Variants in CATSPERE observed in about 807,000 individuals in gnomAD.
CATSPERE encodes the protein catsper channel auxiliary subunit epsilon.
CATSPERE carries 93 observed loss-of-function variants against 114.1 expected under a neutral mutation model. The ratio of observed to expected loss-of-function variants is 0.81; its 90% CI spans 0.69 to 0.97. The LOEUF (loss-of-function observed/expected upper bound fraction) is 0.97, where lower values mean the gene tolerates loss of function less well. Ranked by LOEUF, CATSPERE falls within the 50% of genes least tolerant of loss-of-function variation. CATSPERE has a pLI of 0.00. For synonymous variants in CATSPERE, 341 were observed against 384.1 expected (o/e 0.89, Z 1.31); for missense variants, 1,058 against 1,131.6 (o/e 0.93, Z 0.93).
In CATSPERE at chr1:244,633,325, T is replaced by G. The variant is rs138571131; in HGVS notation, c.2649-2164T>G. 2.4e-4 allele frequency among the ~76,000 whole-genome samples: 36 copies of G among 152,340 alleles called. No homozygotes were observed. The highest frequency in any genetic ancestry group is 8.4e-4 in the African/African-American group (35 of 41,578). On this transcript the variant is annotated intron_variant, in intron 20 of 21. Transcript: ENST00000366534. The surrounding 1 kb of genome is among the most constrained non-coding windows in gnomAD (Gnocchi z 4.1). Reference sequence around the variant, plus strand: ...TAAACCATAAAGTTCCAGTTGCACTTATTCCATGCTGATTCATCACAATTT... The same window carrying G: ...TAAACCATAAAGTTCCAGTTGCACTGATTCCATGCTGATTCATCACAATTT...
rs765273382 is a variant in CATSPERE at position 244,605,680 on chromosome 1, T to G, written c.2304-15T>G. ...TATATTAAACTAGTATCTTTCTGTTTGTTGTTTCTTTCAGATTTGATGATA... is the reference window on the plus strand; with the variant it reads ...TATATTAAACTAGTATCTTTCTGTTGGTTGTTTCTTTCAGATTTGATGATA... On this transcript the variant is annotated splice_polypyrimidine_tract_variant and intron_variant, in intron 17 of 21. Coordinates refer to ENST00000366534, the MANE Select transcript of CATSPERE (RefSeq NM_001130957.2). 8 of 1,556,242 alleles carry G rather than the reference T, an allele frequency of 5.1e-6. No homozygotes were observed. Among genetic ancestry groups the G allele is most frequent in the Admixed American group, 1.7e-5 (1 of 59,552 alleles).
At chr1:244,583,680 A>C (rs1420825843) in intron 12 of CATSPERE, among the ~76,000 whole-genome samples, 184 bp from the exon 13 acceptor site, 1 of 152,188 alleles carries the variant, frequency 6.6e-6, no homozygotes, top group Non-Finnish European at 1.5e-5. Context: ...TAGGACTAGC[A>C]TGCAGAGCTG....
intron 12 of CATSPERE, among the ~76,000 whole-genome samples, chr1:244,583,079 C>T (rs1666474475): frequency 2.0e-5 from 3 of 152,034 alleles, no homozygotes; most frequent in Non-Finnish European, 4.4e-5. Context: ...CACCCACCAA[C>T]TTATCTCTTT....
intron 7 of CATSPERE, among the ~76,000 whole-genome samples, chr1:244,510,829 C>CTTTTTTTTTTTTTTTTT (rs1675594007): frequency 1.2e-5 from 1 of 86,162 alleles, no homozygotes. Flanking sequence ...TTTTCTTTTT[C>CTTTTTTTTTTTTTTTTT]TTTTTCTTTT....
At chr1:244,451,329 G>T (rs1665583909), upstream of CATSPERE, among the ~76,000 whole-genome samples, 1 of 152,122 alleles carries the variant, frequency 6.6e-6, no homozygotes, top group South Asian at 2.1e-4. This position sits in a 1 kb window ranked among gnomAD's most constrained non-coding sequence, Gnocchi z 6.6. Flanking sequence ...CAGTCCCGGC[G>T]CTGAGCACCA....
intron 6 of CATSPERE, among the ~76,000 whole-genome samples, chr1:244,494,883 G>C (rs1449749063): frequency 6.6e-6 from 1 of 152,104 alleles, no homozygotes; most frequent in Non-Finnish European, 1.5e-5. Context: ...AAATCCCATT[G>C]ATATTACGGA....
Position 244,461,511 on chromosome 1 carries a change from C to G in CATSPERE, c.65+17C>G. Reference sequence around the variant, plus strand: ...CCTTTGGAGGTAGAGAGACGCCAGTCGCAGGCGAGCGACTAGGCGGGGATT... The same window carrying G: ...CCTTTGGAGGTAGAGAGACGCCAGTGGCAGGCGAGCGACTAGGCGGGGATT... On this transcript the variant is annotated intron_variant, in intron 1 of 21. Coordinates refer to ENST00000366534, the MANE Select transcript of CATSPERE (RefSeq NM_001130957.2). 1 of 1,295,510 alleles carries G rather than the reference C, an allele frequency of 7.7e-7. No individual in the cohort carries two copies. Among genetic ancestry groups the G allele is most frequent in the South Asian group, 2.7e-5 (1 of 37,316 alleles). The allele number at this position is 1,295,510 out of a possible 1,614,324, so 80.3% of individuals were successfully genotyped here.
At chr1:244,625,492 G>A (rs530961111) in intron 20 of CATSPERE, among the ~76,000 whole-genome samples, 26 of 122,424 alleles carry the variant, frequency 2.1e-4, no homozygotes, top group Admixed American at 1.7e-3. Context: ...GCAGTGGTGC[G>A]ATCTCGGCTC....
intron 20 of CATSPERE, among the ~76,000 whole-genome samples, chr1:244,632,393 C>CAAAAAA (rs35948602): frequency 9.1e-6 from 1 of 109,382 alleles, no homozygotes; most frequent in Non-Finnish European, 1.7e-5. Flanking sequence ...GACTCCAACT[C>CAAAAAA]AAAAAAAAAA....
chr1:244,461,505 G>T lies in CATSPERE; in HGVS notation c.65+11G>T, dbSNP rs772346527. On this transcript the variant is annotated intron_variant, in intron 1 of 21. Transcript: ENST00000366534. ...CTCCGCCCTTTGGAGGTAGAGAGAC[G>T]CCAGTCGCAGGCGAGCGACTAGGCG... 7.7e-7 allele frequency: 1 copy of T among 1,304,922 alleles called. No individual in the cohort carries two copies. Among genetic ancestry groups the T allele is most frequent in the Admixed American group, 3.7e-5 (1 of 27,190 alleles). The allele number at this position is 1,304,922 out of a possible 1,614,324, so 80.8% of individuals were successfully genotyped here. A position where few individuals can be genotyped will look rare whatever the true frequency, so the allele number is the denominator to read the frequency against.
chr1:244,486,431 A>T (rs1323328090), intron 5 of CATSPERE, among the ~76,000 whole-genome samples: 1 of 130,038 alleles, frequency 7.7e-6, no homozygotes, highest in Non-Finnish European at 1.6e-5. Flanking sequence ...CAGCGTGTGG[A>T]ATACTCGTGG....
At chr1:244,485,133 G>A (rs1234655722) in intron 5 of CATSPERE, among the ~76,000 whole-genome samples, 2 of 150,438 alleles carry the variant, frequency 1.3e-5, no homozygotes, top group African/African-American at 4.9e-5. Context: ...CTGAATATTG[G>A]TGTCTTTCAT....
intron 2 of CATSPERE, among the ~76,000 whole-genome samples, chr1:244,474,968 C>T (rs978140922): frequency 2.0e-5 from 3 of 151,862 alleles, no homozygotes; most frequent in Non-Finnish European, 4.4e-5. Context: ...GTCTTGAACT[C>T]CTGGGCTTAA....
chr1:244,581,712 A>G, intron 11 of CATSPERE, 84 bp from the exon 12 acceptor site: 1 of 607,298 alleles, frequency 1.6e-6, no homozygotes, highest in Non-Finnish European at 3.0e-6. Context: ...ACATGCCTAG[A>G]TGTAGAAAGC....
In CATSPERE at chr1:244,593,444, A is replaced by T. The variant is rs1381386939; in HGVS notation, c.2223+16A>T. ...GAAAAACTTGGTAAGAAAATGATAA[A>T]ATTCTGTCAATGGACCAAATATATA... On this transcript the variant is annotated intron_variant, in intron 16 of 21. Coordinates refer to ENST00000366534, the MANE Select transcript of CATSPERE (RefSeq NM_001130957.2). 1 of 1,613,572 alleles carries T rather than the reference A, an allele frequency of 6.2e-7. No homozygotes were observed.
rs1267720284 is a variant in CATSPERE, at chr1:244,572,712, A to G, written c.1890A>G (p.Ile630Met). 2.5e-6 allele frequency: 4 copies of G among 1,613,178 alleles called. No individual in the cohort carries two copies. The highest frequency in any genetic ancestry group is 2.2e-5 in the East Asian group (1 of 44,866). Residue 630 changes from isoleucine (I) to methionine (M), a missense_variant, in exon 11 of 22, where the codon ATA becomes ATG. By Grantham distance (10) the Ile-to-Met change is conservative (BLOSUM62 1). This residue lies in a region of CATSPERE where 787 missense variants were observed against 905.6 expected (regional missense o/e 0.87). Coordinates refer to ENST00000366534, the MANE Select transcript of CATSPERE (RefSeq NM_001130957.2). The part of the protein sequence containing the change: ...YVIVESYGPK[I>M]LQESHEISFE... Reference sequence around the variant, plus strand: ...TTGTGGAATCTTATGGCCCAAAAATATTACAAGAGAGTCATGAGATTTCCT... The same window carrying G: ...TTGTGGAATCTTATGGCCCAAAAATGTTACAAGAGAGTCATGAGATTTCCT...
chr1:244,463,556 G>A (rs1402751350), intron 1 of CATSPERE, among the ~76,000 whole-genome samples: 3 of 146,658 alleles, frequency 2.0e-5, no homozygotes, highest in South Asian at 4.4e-4. Flanking sequence ...GAAATACTGC[G>A]TTTTTAAAAC....
rs181044986 is a variant in CATSPERE at position 244,511,774 on chromosome 1, G to A, written c.430-6818G>A. 6.5e-4 allele frequency among the ~76,000 whole-genome samples: 99 copies of A among 152,250 alleles called. 1 individual carries two copies. Among genetic ancestry groups the A allele is most frequent in the Admixed American group, 6.4e-3 (98 of 15,292 alleles). ...GAATTCCCCCAGGTTTTGCTTACCT[G>A]GGAAAGACTTCATTTCTTTATTTTT... On this transcript the variant is annotated intron_variant, in intron 7 of 21. Coordinates refer to ENST00000366534, the MANE Select transcript of CATSPERE (RefSeq NM_001130957.2).
At chr1:244,456,206 C>T (rs762749289) in intron 1 of CATSPERE, among the ~76,000 whole-genome samples, 5 of 151,596 alleles carry the variant, frequency 3.3e-5, no homozygotes, top group Non-Finnish European at 7.4e-5. Flanking sequence ...TGTCTTCTCT[C>T]GAAGTATTTC....
Sources: gnomAD v4.1 joint callset for allele counts (sites outside exome capture counted in the v4.1 genomes callset) on GRCh38, gnomAD v4.1.1 for gene constraint, gnomAD v4.1.1 regional missense constraint, Gnocchi (gnomAD v3.1) non-coding constraint, MANE v1.5 for transcripts, NCBI Gene and HGNC (gene_info 2026-07-23, HGNC 2026-07-21) for gene names.